Variants in FAF1 observed in about 807,000 individuals in gnomAD.
FAF1 encodes FAS-associated factor 1.
In FAF1, 25 loss-of-function variants were observed where a neutral mutation model predicts 92.5. The ratio of observed to expected loss-of-function variants is 0.27; its 90% CI spans 0.20 to 0.38. The LOEUF is 0.38. Among genes scored for constraint, FAF1 ranks in the 10% least tolerant of loss-of-function variants. FAF1 has a pLI of 1.00. For missense variants in FAF1, 636 were observed against 793.3 expected (o/e 0.80, Z 2.38); for synonymous variants, 234 against 273.2 (o/e 0.86, Z 1.42).
chr1:50,614,010 C>G (rs1029561662), intron 8 of FAF1, among the ~76,000 whole-genome samples: 1 of 151,708 alleles, frequency 6.6e-6, no homozygotes, highest in East Asian at 1.9e-4. Flanking sequence ...GGCAGGAGAA[C>G]TGCTTGAACC....
intron 7 of FAF1, among the ~76,000 whole-genome samples, chr1:50,677,965 T>C (rs1192264473): frequency 2.6e-5 from 4 of 151,978 alleles, no homozygotes; most frequent in Non-Finnish European, 5.9e-5. Flanking sequence ...ATCTTCCTTG[T>C]ATTCTATTTA....
At chr1:50,536,206 T>C (rs1273422601) in intron 14 of FAF1, among the ~76,000 whole-genome samples, 1 of 152,230 alleles carries the variant, frequency 6.6e-6, no homozygotes, top group East Asian at 1.9e-4. Context: ...TAATGTTTGA[T>C]TTTCTTTAAT....
intron 17 of FAF1, among the ~76,000 whole-genome samples, chr1:50,478,976 T>C (rs149320604): frequency 6.6e-4 from 100 of 152,354 alleles, no homozygotes; most frequent in Middle Eastern, 6.8e-3. Flanking sequence ...TCTGATCAAG[T>C]ATCTCAGAAG....
At chr1:50,842,255 T>C (rs1444468902) in intron 2 of FAF1, among the ~76,000 whole-genome samples, 1 of 152,064 alleles carries the variant, frequency 6.6e-6, no homozygotes, top group Non-Finnish European at 1.5e-5. Flanking sequence ...AGTTCCTAGG[T>C]TGATGCAGCC....
At chr1:50,454,043 T>G (rs1279043011) in intron 18 of FAF1, among the ~76,000 whole-genome samples, 1 of 152,270 alleles carries the variant, frequency 6.6e-6, no homozygotes, top group Non-Finnish European at 1.5e-5. Context: ...TACCACCTTA[T>G]GGACCTGCTA....
At position 50,788,023 on chromosome 1, in the gene FAF1, A is replaced by G; in HGVS notation, c.344T>C (p.Val115Ala). 1 of 1,614,084 alleles carries G rather than the reference A, an allele frequency of 6.2e-7. No individual in the cohort carries two copies. Among genetic ancestry groups the G allele is most frequent in the Non-Finnish European group, 8.5e-7 (1 of 1,179,962 alleles). Residue 115 changes from valine to alanine, a missense_variant, in exon 4 of 19, where the codon GTA (valine) becomes GCA (alanine). Coordinates refer to ENST00000396153, the MANE Select transcript of FAF1 (RefSeq NM_007051.3). The part of the protein sequence containing the change: ...VEYRDRNVDV[V>A]LEDTCTVGEI... ...ACCAACAGTACAGGTGTCTTCAAGT[A>G]CCACATCAACATTTCTGTCTCTGTA...
chr1:50,618,999 C>A (rs1020296882), intron 8 of FAF1, among the ~76,000 whole-genome samples: 2 of 152,098 alleles, frequency 1.3e-5, no homozygotes, highest in African/African-American at 4.8e-5. Flanking sequence ...TCATGTAATT[C>A]ACCAGCCTTG....
intron 7 of FAF1, among the ~76,000 whole-genome samples, chr1:50,675,070 T>C (rs1368012566): frequency 6.6e-6 from 1 of 152,120 alleles, no homozygotes; most frequent in Non-Finnish European, 1.5e-5. Context: ...TTTGTATTTT[T>C]AGTAGAGACA....
At chr1:50,871,572 C>G (rs968874184) in intron 1 of FAF1, among the ~76,000 whole-genome samples, 3 of 152,162 alleles carry the variant, frequency 2.0e-5, no homozygotes, top group Admixed American at 6.5e-5. Context: ...AATGGAACAA[C>G]AAAGCCTGAA....
At chr1:50,711,463 CTTTTTTTTTT>C (rs1160668174) in intron 6 of FAF1, among the ~76,000 whole-genome samples, 3 of 81,976 alleles carry the variant, frequency 3.7e-5, no homozygotes, top group African/African-American at 1.0e-4. Context: ...TCCACACTGA[CTTTTTTTTTT>C]TTTTTTTTTT....
At chr1:50,636,055 G>C (rs912394489) in intron 8 of FAF1, among the ~76,000 whole-genome samples, 2 of 152,128 alleles carry the variant, frequency 1.3e-5, no homozygotes, top group African/African-American at 4.8e-5. Flanking sequence ...GCAAAAGGGA[G>C]GGGAGACAGA....
chr1:50,745,622 C>T (rs1210184844), intron 4 of FAF1, among the ~76,000 whole-genome samples: 2 of 152,170 alleles, frequency 1.3e-5, no homozygotes, highest in Non-Finnish European at 2.9e-5. Flanking sequence ...CTCTGGCCTG[C>T]TCCCACTTTG....
chr1:50,543,493 C>A (rs1297690760), intron 13 of FAF1, among the ~76,000 whole-genome samples: 2 of 152,106 alleles, frequency 1.3e-5, no homozygotes, highest in Non-Finnish European at 1.5e-5. Flanking sequence ...ATAACACTTA[C>A]CTTTAAAACA....
At chr1:50,533,514 C>CT (rs1379686866) in intron 15 of FAF1, among the ~76,000 whole-genome samples, 1 of 152,124 alleles carries the variant, frequency 6.6e-6, no homozygotes, top group Non-Finnish European at 1.5e-5. Flanking sequence ...AGGGGACAGA[C>CT]TTACAAAGAT....
chr1:50,549,909 A>T (rs1649223021), intron 13 of FAF1, among the ~76,000 whole-genome samples: 1 of 152,172 alleles, frequency 6.6e-6, no homozygotes, highest in Admixed American at 6.5e-5. Context: ...TGCACAGCCA[A>T]ATTTGGACAC....
At chr1:50,613,865 G>A (rs796740685) in intron 8 of FAF1, among the ~76,000 whole-genome samples, 1 of 151,866 alleles carries the variant, frequency 6.6e-6, no homozygotes, top group Non-Finnish European at 1.5e-5. Flanking sequence ...TTGGGAGGCC[G>A]AGGCGGGCAG....
rs1644024805 is a variant in FAF1, at chr1:50,819,782, TATATACATATATATATATAC to T, written c.115-18125_115-18106del. The stretch of plus-strand genomic sequence containing the variant: ...ATATATACGTATATATATATACATA[TATATACATATATATATATAC>T]ATATATATATATATATAGTATTGTA... On this transcript the variant is annotated intron_variant, in intron 2 of 18. Coordinates refer to ENST00000396153, the MANE Select transcript of FAF1 (RefSeq NM_007051.3). 1.3e-4 allele frequency among the ~76,000 whole-genome samples: 10 copies of T among 78,500 alleles called. No homozygotes were observed. In the South Asian group the frequency reaches 2.6e-3, roughly 21 times the overall value. 51.5% of individuals were successfully genotyped at this position (78,500 alleles called of 152,430 possible). A position where few individuals can be genotyped will look rare whatever the true frequency, so the allele number is the denominator to read the frequency against.
chr1:50,819,216 G>A (rs1163733156), intron 2 of FAF1, among the ~76,000 whole-genome samples: 1 of 151,996 alleles, frequency 6.6e-6, no homozygotes, highest in Non-Finnish European at 1.5e-5. Flanking sequence ...AACCAAAAAA[G>A]AAATTTTCTG....
At chr1:50,444,526 A>G (rs1646206298) in intron 18 of FAF1, among the ~76,000 whole-genome samples, 1 of 152,206 alleles carries the variant, frequency 6.6e-6, no homozygotes, top group Non-Finnish European at 1.5e-5. Flanking sequence ...AGCAGAACCC[A>G]GCTAGTCAGA....
Sources: gnomAD v4.1 joint callset for allele counts (sites outside exome capture counted in the v4.1 genomes callset) on GRCh38, gnomAD v4.1.1 for gene constraint, MANE v1.5 for transcripts, NCBI Gene and HGNC (gene_info 2026-07-23, HGNC 2026-07-21) for gene names.